CATSPERD: variants seen among roughly 807,000 people sequenced by gnomAD.
CATSPERD encodes cation channel sperm-associated auxiliary subunit delta.
Under a neutral mutation model 98.1 loss-of-function variants are expected in CATSPERD, and 86 were observed. That is an observed-to-expected ratio of 0.88 (90% CI 0.74 to 1.05). The LOEUF (loss-of-function observed/expected upper bound fraction) is 1.05, where lower values mean the gene tolerates loss of function less well. Among genes scored for constraint, CATSPERD ranks in the 50% least tolerant of loss-of-function variants. The pLI is 0.00. For missense variants in CATSPERD, 995 were observed against 1,005.7 expected (o/e 0.99, Z 0.14); for synonymous variants, 394 against 390.2 (o/e 1.01, Z -0.12).
At chr19:5,730,326 C>T (rs1000952634) in intron 4 of CATSPERD, among the ~76,000 whole-genome samples, 2 of 150,374 alleles carry the variant, frequency 1.3e-5, no homozygotes, top group African/African-American at 4.9e-5. Context: ...GGGCAGATCA[C>T]AAGGTCAAGA....
intron 3 of CATSPERD, among the ~76,000 whole-genome samples, chr19:5,728,892 T>A (rs1204514253): frequency 6.7e-6 from 1 of 149,472 alleles, no homozygotes; most frequent in African/African-American, 2.5e-5. Context: ...AAAGACAGAG[T>A]TTTTACCATG....
intron 2 of CATSPERD, among the ~76,000 whole-genome samples, chr19:5,725,989 ATAAC>A (rs1158827563): frequency 6.6e-6 from 1 of 152,310 alleles, no homozygotes; most frequent in Admixed American, 6.5e-5. Flanking sequence ...GGACTTTCAA[ATAAC>A]TAATCATCTG....
intron 4 of CATSPERD, among the ~76,000 whole-genome samples, chr19:5,732,660 T>TTTTTG (rs754863814): frequency 1.1e-3 from 173 of 151,644 alleles, no homozygotes; most frequent in Non-Finnish European, 1.0e-3. Flanking sequence ...AAAATGGTGT[T>TTTTTG]TTTTGTTTTG....
intron 15 of CATSPERD, among the ~76,000 whole-genome samples, chr19:5,762,405 A>G (rs1337881890): frequency 1.3e-5 from 2 of 152,016 alleles, no homozygotes; most frequent in East Asian, 3.8e-4. Flanking sequence ...GAATTCACTC[A>G]CTATCACAAG....
chr19:5,777,930 C>A (rs1404635228), intron 21 of CATSPERD, among the ~76,000 whole-genome samples: 1 of 151,662 alleles, frequency 6.6e-6, no homozygotes, highest in South Asian at 2.1e-4. Flanking sequence ...CAAAGTGGGC[C>A]AGGTGCAGTG....
chr19:5,771,200 C>A (rs2056637849), intron 19 of CATSPERD, 128 bp downstream of exon 19: 8 of 1,078,674 alleles, frequency 7.4e-6, no homozygotes, highest in Non-Finnish European at 1.0e-5. Context: ...CACTGTTTCC[C>A]ACCGTGCTCC....
At chr19:5,737,918 A>T (rs2055880931) in intron 6 of CATSPERD, among the ~76,000 whole-genome samples, 1 of 151,990 alleles carries the variant, frequency 6.6e-6, no homozygotes, top group Non-Finnish European at 1.5e-5. Flanking sequence ...GGTCTCAAGA[A>T]CTTGGTCAGT....
chr19:5,758,001 C>A, intron 14 of CATSPERD, 69 bp downstream of exon 14: 1 of 1,358,222 alleles, frequency 7.4e-7, no homozygotes, highest in South Asian at 1.3e-5. Flanking sequence ...CTTCCCTTAT[C>A]AGCATAAAAA....
intron 7 of CATSPERD, among the ~76,000 whole-genome samples, chr19:5,743,017 C>G (rs2056018958): frequency 6.6e-6 from 1 of 151,998 alleles, no homozygotes; most frequent in African/African-American, 2.4e-5. Flanking sequence ...AATTAAGGAT[C>G]TTGAGGCTGG....
intron 1 of CATSPERD, among the ~76,000 whole-genome samples, 180 bp downstream of exon 1, chr19:5,720,988 C>T (rs1007577435): frequency 6.6e-6 from 1 of 151,070 alleles, no homozygotes; most frequent in Non-Finnish European, 1.5e-5. Flanking sequence ...CGATATTAAG[C>T]TCTCCTACCT....
intron 7 of CATSPERD, among the ~76,000 whole-genome samples, chr19:5,743,527 A>G (rs1435480027): frequency 6.6e-6 from 1 of 150,624 alleles, no homozygotes; most frequent in Non-Finnish European, 1.5e-5. Flanking sequence ...TGAACCCAGG[A>G]GACAGAGGTT....
intron 11 of CATSPERD, among the ~76,000 whole-genome samples, chr19:5,749,910 T>C (rs1326387820): frequency 6.6e-6 from 1 of 150,694 alleles, no homozygotes; most frequent in Non-Finnish European, 1.5e-5. Flanking sequence ...TTCAAGCAAT[T>C]CTCCTGCCTC....
chr19:5,739,163 C>T (rs1165812399), intron 6 of CATSPERD, among the ~76,000 whole-genome samples, 163 bp from the exon 7 acceptor site: 1 of 152,200 alleles, frequency 6.6e-6, no homozygotes, highest in Non-Finnish European at 1.5e-5. Context: ...CCGCACCTGG[C>T]GTGTATCCAC....
rs759068960 is a variant in CATSPERD, at chr19:5,759,102, A to G, written c.1385A>G (p.Gln462Arg). 4.3e-6 allele frequency: 7 copies of G among 1,613,604 alleles called. No individual in the cohort carries two copies. The highest frequency in any genetic ancestry group is 3.3e-5 in the South Asian group (3 of 91,086). ...ACCCCACAGGATATTTTCCTAAAAC[A>G]GCAGCAGCACTGGGGCAGGACCGAC... is the stretch of plus-strand genomic sequence containing the variant. ...TKYKLDIFLK[Q>R]QQHWGRTDSN... The change falls in exon 15 of 22, where the codon CAG becomes CGG. Residue 462 changes from glutamine to arginine, a missense_variant. Gln to Arg is a conservative substitution (Grantham distance 43). This residue lies in a region of CATSPERD where 762 missense variants were observed against 773.7 expected (regional missense o/e 0.98). Transcript: ENST00000381624.
intron 16 of CATSPERD, among the ~76,000 whole-genome samples, chr19:5,764,409 G>A (rs1239562051): frequency 5.3e-5 from 8 of 151,618 alleles, no homozygotes; most frequent in South Asian, 4.2e-4. Flanking sequence ...TCCACCTCCC[G>A]GGTTCACGCC....
intron 2 of CATSPERD, among the ~76,000 whole-genome samples, chr19:5,725,268 C>T (rs769674956): frequency 6.6e-6 from 1 of 152,170 alleles, no homozygotes; most frequent in Non-Finnish European, 1.5e-5. Context: ...TCTCATGCCT[C>T]ACCCTCCCTA....
At chr19:5,721,494 C>A (rs2055475831) in intron 1 of CATSPERD, among the ~76,000 whole-genome samples, 2 of 152,158 alleles carry the variant, frequency 1.3e-5, no homozygotes, top group African/African-American at 4.8e-5. Context: ...AGTGCATACT[C>A]CAACCTGCCA....
In CATSPERD at chr19:5,771,060, C is replaced by T. The variant is rs749276748; in HGVS notation, c.1751C>T (p.Pro584Leu). 6.2e-7 allele frequency: 1 copy of T among 1,613,518 alleles called. No homozygotes were observed. Among genetic ancestry groups the T allele is most frequent in the Admixed American group, 1.7e-5 (1 of 59,882 alleles). Residue 584 changes from proline to leucine, a missense_variant, in exon 19 of 22, where the codon CCC (proline) becomes CTC (leucine). Physicochemically the swap from Pro to Leu is moderately conservative, Grantham distance 98. Transcript: ENST00000381624. ...LLVYYDTLWKPVVELWRKDSF... is the reference protein window; with the variant it reads ...LLVYYDTLWKLVVELWRKDSF... The stretch of plus-strand genomic sequence containing the variant: ...GTCTACTATGACACCCTATGGAAGC[C>T]CGTGGTGGAGCTGTAAGACCCCAGG...
chr19:5,756,030 C>G (rs2056318006), intron 13 of CATSPERD, among the ~76,000 whole-genome samples: 2 of 151,936 alleles, frequency 1.3e-5, no homozygotes, highest in Non-Finnish European at 2.9e-5. Flanking sequence ...CCTGTAATCC[C>G]AGCACTTTGG....
Sources: gnomAD v4.1 joint callset for allele counts (sites outside exome capture counted in the v4.1 genomes callset) on GRCh38, gnomAD v4.1.1 for gene constraint, gnomAD v4.1.1 regional missense constraint, MANE v1.5 for transcripts, NCBI Gene and HGNC (gene_info 2026-07-23, HGNC 2026-07-21) for gene names.